The following CEP295 variants were observed in gnomAD, a reference collection of about 807,000 sequenced individuals.
The protein encoded by CEP295 is centrosomal protein of 295 kDa.
In CEP295, 190 loss-of-function variants were observed where a neutral mutation model predicts 291.6. The ratio of observed to expected loss-of-function variants is 0.65; its 90% CI spans 0.58 to 0.73. CEP295 has a LOEUF of 0.73. CEP295 is among the 30% of genes least tolerant of loss of function. CEP295 has a pLI of 0.00. For missense variants in CEP295, 2,863 were observed against 2,949.4 expected, an observed-to-expected ratio of 0.97 and a Z score of 0.68; for synonymous variants, 993 against 1,038.8, an observed-to-expected ratio of 0.96 and a Z score of 0.85.
Position 93,706,850 on chromosome 11 carries a change from A to G in CEP295, c.5702A>G (p.Gln1901Arg). The G allele has an allele frequency of 6.5e-7, 1 of 1,548,372 alleles. No individual in the cohort carries two copies. The highest frequency in any genetic ancestry group is 8.7e-7 in the Non-Finnish European group (1 of 1,145,318). Residue 1901 changes from glutamine (Q) to arginine (R), a missense_variant, in exon 18 of 30, where the codon CAA becomes CGA. Around this residue, in one of 3 missense-constraint regions of CEP295, gnomAD observed 2,295 missense variants for 2,335.7 expected, o/e 0.98. Transcript: ENST00000325212. ...GCCCATGATCCGTTTAGTTGTCTTC[A>G]ACTGGTTGGCCAAGAGAATGTCTGT... ...PLAHDPFSCLQLVGQENVCGD... is the reference protein window; with the variant it reads ...PLAHDPFSCLRLVGQENVCGD...
chr11:93,694,740 CACACTACTTAGAA>C (rs1265667490), intron 12 of CEP295, among the ~76,000 whole-genome samples: 2 of 152,214 alleles, frequency 1.3e-5, no homozygotes, highest in Non-Finnish European at 2.9e-5. Context: ...AAGATTTCAT[CACACTACTTAGAA>C]TAGTGCATAA....
intron 18 of CEP295, among the ~76,000 whole-genome samples, chr11:93,712,222 T>C (rs921020625): frequency 6.6e-6 from 1 of 151,896 alleles, no homozygotes; most frequent in African/African-American, 2.4e-5. Context: ...TTTTTTTTCC[T>C]ATGGTTTTTG....
chr11:93,668,099 A>AGTT (rs1950269576), intron 3 of CEP295, among the ~76,000 whole-genome samples: 1 of 152,128 alleles, frequency 6.6e-6, no homozygotes, highest in African/African-American at 2.4e-5. Flanking sequence ...CTGAATCAGA[A>AGTT]GTTGTTGTCC....
rs1481061961 is a variant in CEP295 at position 93,696,409 on chromosome 11, A to T, written c.1761A>T (p.Gln587His). The T allele has an allele frequency of 6.5e-7, 1 of 1,531,432 alleles. No individual in the cohort carries two copies. The highest frequency in any genetic ancestry group is 2.5e-5 in the East Asian group (1 of 40,800). The allele number at this position is 1,531,432 out of a possible 1,614,324, so 94.9% of individuals were successfully genotyped here. The part of the protein sequence containing the change: ...MIRNYQHQLL[Q>H]QNRLHRQSVE... ...GTAACTATCAACATCAGCTTTTACAACAAAACAGGTATTAGCTAGGGTATA... is the reference window on the plus strand; with the variant it reads ...GTAACTATCAACATCAGCTTTTACATCAAAACAGGTATTAGCTAGGGTATA... Residue 587 changes from glutamine to histidine, a missense_variant, in exon 14 of 30, where the codon CAA becomes CAT. Transcript: ENST00000325212.
chr11:93,669,751 C>T lies in CEP295; in HGVS notation c.509C>T (p.Pro170Leu). The T allele has an allele frequency of 6.5e-7, 1 of 1,549,950 alleles. No individual in the cohort carries two copies. The highest frequency in any genetic ancestry group is 1.2e-5 in the South Asian group (1 of 83,950). ...GCCAAAATTACAAGTCTGCCACCTC[C>T]TCCTCCAACTCTTTTTGAGGTGAGT... Reference protein sequence around the residue: ...RSAKITSLPPPPPTLFENIEV... With the variant: ...RSAKITSLPPLPPTLFENIEV... The change falls in exon 5 of 30, where the codon CCT (proline) becomes CTT (leucine). Residue 170 changes from proline (P) to leucine (L), a missense_variant. Physicochemically the swap from Pro to Leu is moderately conservative, Grantham distance 98. Transcript: ENST00000325212.
In CEP295 at chr11:93,687,715, A is replaced by G; in HGVS notation, c.1186A>G (p.Ser396Gly). 2.6e-6 allele frequency: 4 copies of G among 1,548,914 alleles called. No homozygotes were observed. The highest frequency in any genetic ancestry group is 3.5e-6 in the Non-Finnish European group (4 of 1,144,916). The change falls in exon 10 of 30, where the codon AGC (serine) becomes GGC (glycine). Residue 396 changes from serine (S) to glycine (G), a missense_variant. By Grantham distance (56) the Ser-to-Gly change is moderately conservative. Around this residue, in one of 3 missense-constraint regions of CEP295, gnomAD observed 554 missense variants for 576.0 expected, o/e 0.96. Coordinates refer to ENST00000325212, the MANE Select transcript of CEP295 (RefSeq NM_033395.2). ...LFKKLLNKIR[S>G]QKSLWTIKSM... ...TAAAAAATTATTAAATAAGATCCGA[A>G]GCCAAAAATCTCTCTGGACAATTAA...
rs138472629 is a variant in CEP295, at chr11:93,711,481, G to GTTTTGTTTTTGT, written c.5749+4612_5749+4623dup. Among the ~76,000 whole-genome samples, 223 of 149,648 alleles carry GTTTTGTTTTTGT rather than the reference G, an allele frequency of 1.5e-3. 4 individuals carry two copies. The South Asian group carries it at 0.026, about 17-fold the overall frequency. ...AGAGAAGACAAGTGTTATTATTTCA[G>GTTTTGTTTTTGT]TTTTGTTTTTGTTTTTGTTTTTGTT... On this transcript the variant is annotated intron_variant, in intron 18 of 29. Coordinates refer to ENST00000325212, the MANE Select transcript of CEP295 (RefSeq NM_033395.2).
At chr11:93,694,168 T>G (rs892357240) in intron 12 of CEP295, among the ~76,000 whole-genome samples, 4 of 152,226 alleles carry the variant, frequency 2.6e-5, no homozygotes, top group Admixed American at 6.5e-5. Flanking sequence ...CATTGTTCAT[T>G]ATCTCTAGTA....
At chr11:93,701,479 CAA>C (rs1313858988) in intron 15 of CEP295, among the ~76,000 whole-genome samples, 1 of 152,136 alleles carries the variant, frequency 6.6e-6, no homozygotes, top group African/African-American at 2.4e-5. Context: ...GAGTTAACGT[CAA>C]GAGATTTACT....
chr11:93,668,725 T>C, intron 3 of CEP295, 83 bp from the exon 4 acceptor site: 1 of 1,045,520 alleles, frequency 9.6e-7, no homozygotes, highest in Non-Finnish European at 1.4e-6. Context: ...ATGACAAAAT[T>C]GATAAATCAC....
chr11:93,665,410 C>T (rs904816689), intron 1 of CEP295, among the ~76,000 whole-genome samples: 1 of 152,108 alleles, frequency 6.6e-6, no homozygotes, highest in African/African-American at 2.4e-5. Context: ...ACGGTAGCAA[C>T]AGAAGAATAG....
At chr11:93,684,381 A>G (rs1951122139) in intron 9 of CEP295, among the ~76,000 whole-genome samples, 1 of 152,184 alleles carries the variant, frequency 6.6e-6, no homozygotes, top group Non-Finnish European at 1.5e-5. Flanking sequence ...TGGGTGCTCA[A>G]TTCTGAATTC....
rs1285043224 is a variant in CEP295, at chr11:93,727,212, A to G, written c.6736A>G (p.Asn2246Asp). 4.5e-6 allele frequency: 7 copies of G among 1,551,518 alleles called. No individual in the cohort carries two copies. The East Asian group carries it at 7.3e-5, about 16-fold the overall frequency. The change falls in exon 24 of 30, where the codon AAT becomes GAT. Residue 2246 changes from asparagine (N) to aspartate (D), a missense_variant. Physicochemically the swap from Asn to Asp is conservative, Grantham distance 23. Coordinates refer to ENST00000325212, the MANE Select transcript of CEP295 (RefSeq NM_033395.2). Reference protein sequence around the residue: ...SSVYSSSDEANVFDQLNVQHS... With the variant: ...SSVYSSSDEADVFDQLNVQHS... ...AGTCTACAGTTCATCTGATGAAGCT[A>G]ATGTATTTGATCAGTTAAATGTACA...
intron 7 of CEP295, among the ~76,000 whole-genome samples, chr11:93,680,572 G>A (rs1448532869): frequency 6.6e-6 from 1 of 152,170 alleles, no homozygotes; most frequent in African/African-American, 2.4e-5. Context: ...GATTGCTTGA[G>A]CCTGGCAGGC....
At chr11:93,665,777 T>C (rs1950182954) in intron 1 of CEP295, among the ~76,000 whole-genome samples, 1 of 152,228 alleles carries the variant, frequency 6.6e-6, no homozygotes, top group Non-Finnish European at 1.5e-5. Flanking sequence ...ATATAAAAAT[T>C]ACGTCACTAT....
intron 3 of CEP295, 105 bp downstream of exon 3, chr11:93,667,912 T>C (rs776219880): frequency 3.8e-6 from 3 of 792,376 alleles, no homozygotes; most frequent in Non-Finnish European, 5.9e-6. Flanking sequence ...GCATTGAATT[T>C]CTTTGGGGCA....
At chr11:93,727,677 C>A in intron 24 of CEP295, 40 bp downstream of exon 24, 1 of 1,446,884 alleles carries the variant, frequency 6.9e-7, no homozygotes, top group Non-Finnish European at 9.2e-7. Context: ...ATTTAAATTC[C>A]TTTTTGGGAA....
At position 93,726,765 on chromosome 11, in the gene CEP295, TAATAGA is replaced by T. The variant is rs560411283; in HGVS notation, c.6500-208_6500-203del. The T allele has an allele frequency of 3.5e-4, 148 of 423,784 alleles. 3 individuals are homozygous for T. The South Asian group carries it at 7.9e-3, about 23-fold the overall frequency. 26.3% of individuals were successfully genotyped at this position (423,784 alleles called of 1,614,324 possible). A position where few individuals can be genotyped will look rare whatever the true frequency, so the allele number is the denominator to read the frequency against. ...TAGCCATATTGTCCTTATTAAATAT[TAATAGA>T]AAAAGAAAAAATACTTGGTGTGAGC... On this transcript the variant is annotated intron_variant, in intron 23 of 29. Transcript: ENST00000325212.
chr11:93,691,798 C>G (rs1951564572), intron 11 of CEP295, 23 bp downstream of exon 11: 1 of 1,450,100 alleles, frequency 6.9e-7, no homozygotes, highest in South Asian at 1.3e-5. Context: ...ATCACATCCT[C>G]AAATTAAATT....
Sources: gnomAD v4.1 joint callset for allele counts (sites outside exome capture counted in the v4.1 genomes callset) on GRCh38, gnomAD v4.1.1 for gene constraint, gnomAD v4.1.1 regional missense constraint, MANE v1.5 for transcripts, NCBI Gene and HGNC (gene_info 2026-07-23, HGNC 2026-07-21) for gene names.